MGAT4C: variants seen among roughly 807,000 people sequenced by gnomAD.
MGAT4C encodes the protein MGAT4 family member C, also known as alpha-1,3-mannosyl-glycoprotein 4-beta-N-acetylglucosaminyltransferase C.
MGAT4C carries 19 observed loss-of-function variants against 40.1 expected under a neutral mutation model. The ratio of observed to expected loss-of-function variants is 0.47; its 90% CI spans 0.33 to 0.70. The LOEUF is 0.70. Ranked by LOEUF, MGAT4C falls within the 30% of genes least tolerant of loss-of-function variation. MGAT4C has a pLI of 0.02. For synonymous variants in MGAT4C, 181 were observed against 187.1 expected, an observed-to-expected ratio of 0.97 and a Z score of 0.27; for missense variants, 491 against 563.2, an observed-to-expected ratio of 0.87 and a Z score of 1.30.
intron 3 of MGAT4C, among the ~76,000 whole-genome samples, chr12:86,432,165 C>G (rs959261394): frequency 7.9e-5 from 12 of 152,050 alleles, no homozygotes; most frequent in African/African-American, 2.7e-4. Context: ...ACCAAGAAAA[C>G]TGAGTGGACT....
intron 2 of MGAT4C, among the ~76,000 whole-genome samples, chr12:86,655,302 CT>C (rs1245032544): frequency 6.6e-6 from 1 of 152,046 alleles, no homozygotes; most frequent in Non-Finnish European, 1.5e-5. Context: ...TTAATTGCTT[CT>C]TTTCCCTGTT....
At chr12:86,644,480 T>C (rs578117734) in intron 2 of MGAT4C, among the ~76,000 whole-genome samples, 2 of 151,782 alleles carry the variant, frequency 1.3e-5, no homozygotes, top group African/African-American at 4.8e-5. Context: ...ATATCCACCA[T>C]ATTGCTGATG....
At chr12:86,128,594 C>A (rs2135704732) in intron 1 of MGAT4C, among the ~76,000 whole-genome samples, 1 of 152,154 alleles carries the variant, frequency 6.6e-6, no homozygotes, top group East Asian at 1.9e-4. Flanking sequence ...AGAAAACAGA[C>A]TAATAGGCAT....
intron 4 of MGAT4C, among the ~76,000 whole-genome samples, chr12:86,311,041 TC>T (rs1216957692): frequency 6.6e-6 from 1 of 152,234 alleles, no homozygotes; most frequent in Non-Finnish European, 1.5e-5. Flanking sequence ...TCTGCTCTTC[TC>T]CAGATGACTT....
At chr12:86,617,853 A>C (rs1049934331) in intron 2 of MGAT4C, among the ~76,000 whole-genome samples, 20 of 152,188 alleles carry the variant, frequency 1.3e-4, no homozygotes, top group African/African-American at 4.8e-4. Flanking sequence ...TAAAGCAAAA[A>C]ATTTCTGCAT....
chr12:86,040,298 C>A (rs1891671840), intron 2 of MGAT4C, among the ~76,000 whole-genome samples: 1 of 152,204 alleles, frequency 6.6e-6, no homozygotes, highest in Admixed American at 6.5e-5. Context: ...AGCTGCCAGG[C>A]AGGGAAGTTT....
At chr12:86,804,441 TAAATAAAG>T (rs1380672637) in intron 1 of MGAT4C, among the ~76,000 whole-genome samples, 1 of 148,828 alleles carries the variant, frequency 6.7e-6, no homozygotes, top group Non-Finnish European at 1.5e-5. Flanking sequence ...ATAAAATAAA[TAAATAAAG>T]AAAGAAAGAA....
At chr12:86,455,546 C>G (rs1046385029) in intron 2 of MGAT4C, among the ~76,000 whole-genome samples, 1 of 152,006 alleles carries the variant, frequency 6.6e-6, no homozygotes, top group Admixed American at 6.6e-5. Context: ...GCCAATGAAG[C>G]CTTTCTAAGC....
chr12:86,432,913 G>A (rs750587916), intron 3 of MGAT4C, among the ~76,000 whole-genome samples: 2 of 151,840 alleles, frequency 1.3e-5, no homozygotes, highest in East Asian at 3.9e-4. Flanking sequence ...TAAAATTGAA[G>A]TTATAAGAAA....
intron 2 of MGAT4C, among the ~76,000 whole-genome samples, chr12:86,609,846 A>G (rs577066537): frequency 6.6e-6 from 1 of 152,058 alleles, no homozygotes; most frequent in South Asian, 2.1e-4. Context: ...CTTAACATTT[A>G]AAGAGGGATG....
At chr12:86,152,695 T>C (rs1036490844) in intron 1 of MGAT4C, among the ~76,000 whole-genome samples, 8 of 152,200 alleles carry the variant, frequency 5.3e-5, no homozygotes, top group African/African-American at 1.7e-4. Flanking sequence ...AACAAGTATT[T>C]AGTGATTTAG....
intron 3 of MGAT4C, among the ~76,000 whole-genome samples, chr12:86,344,621 G>A (rs962945072): frequency 2.6e-5 from 4 of 151,682 alleles, no homozygotes; most frequent in Non-Finnish European, 4.4e-5. Flanking sequence ...ACTATACAAA[G>A]TGTTTAAAGA....
intron 2 of MGAT4C, among the ~76,000 whole-genome samples, chr12:86,471,527 C>T (rs1450997319): frequency 1.3e-5 from 2 of 151,830 alleles, no homozygotes; most frequent in Admixed American, 6.6e-5. Context: ...ATACTAAATA[C>T]TTACAAAAAA....
chr12:86,219,224 T>C (rs775144817), intron 1 of MGAT4C, among the ~76,000 whole-genome samples: 1 of 152,126 alleles, frequency 6.6e-6, no homozygotes, highest in Non-Finnish European at 1.5e-5. Context: ...AATTCAGTGT[T>C]GAGTGTGGAC....
chr12:86,698,687 T>C (rs1242094472), intron 2 of MGAT4C, among the ~76,000 whole-genome samples: 1 of 150,048 alleles, frequency 6.7e-6, no homozygotes, highest in African/African-American at 2.5e-5. Context: ...GTGGGGGGGG[T>C]GGGTATTCTG....
chr12:86,695,391 C>G (rs1049150010), intron 2 of MGAT4C, among the ~76,000 whole-genome samples: 11 of 152,188 alleles, frequency 7.2e-5, no homozygotes, highest in African/African-American at 2.7e-4. Context: ...GTAGAGCTAA[C>G]ATATGATCCA....
chr12:86,539,278 G>A (rs1449556441), intron 2 of MGAT4C, among the ~76,000 whole-genome samples: 2 of 151,454 alleles, frequency 1.3e-5, no homozygotes, highest in Non-Finnish European at 2.9e-5. Context: ...TGCAGTGTTT[G>A]GTTTTCTGTC....
intron 4 of MGAT4C, among the ~76,000 whole-genome samples, chr12:86,298,658 A>C (rs2136136909): frequency 6.6e-6 from 1 of 152,272 alleles, no homozygotes; most frequent in South Asian, 2.1e-4. Context: ...GTTTTGGAGA[A>C]ATTTTAATGA....
intron 2 of MGAT4C, among the ~76,000 whole-genome samples, chr12:86,567,832 C>A (rs1565854679): frequency 6.6e-6 from 1 of 152,164 alleles, no homozygotes; most frequent in Non-Finnish European, 1.5e-5. Context: ...CACACTTGTA[C>A]AAGGAAAATG....
Sources: allele counts gnomAD v4.1 joint callset (sites outside exome capture counted in the v4.1 genomes callset), GRCh38; gene constraint gnomAD v4.1.1; transcripts MANE v1.5; gene names NCBI Gene and HGNC (gene_info 2026-07-23, HGNC 2026-07-21).